SOCS6: variants seen among roughly 807,000 people sequenced by gnomAD.
The protein encoded by SOCS6 is suppressor of cytokine signaling 6, also known as STAT induced STAT inhibitor-4.
SOCS6 carries 5 observed loss-of-function variants against 27.7 expected under a neutral mutation model. That is an observed-to-expected ratio of 0.18 (90% CI 0.09 to 0.38). SOCS6 has a LOEUF of 0.38. Among genes scored for constraint, SOCS6 ranks in the 10% least tolerant of loss-of-function variants. The pLI, the probability that SOCS6 is intolerant of heterozygous loss-of-function variation, is 1.00. For synonymous variants in SOCS6, 271 were observed against 260.0 expected, an observed-to-expected ratio of 1.04 and a Z score of -0.41; for missense variants, 595 against 688.1, an observed-to-expected ratio of 0.86 and a Z score of 1.51.
At chr18:70,297,328 T>G (rs1286009872) in intron 1 of SOCS6, among the ~76,000 whole-genome samples, 1 of 149,080 alleles carries the variant, frequency 6.7e-6, no homozygotes, top group Admixed American at 6.9e-5. Context: ...GATAAAGAAG[T>G]GTATGTTTAA....
chr18:70,315,983 G>A (rs144413999), intron 1 of SOCS6, among the ~76,000 whole-genome samples: 1 of 151,892 alleles, frequency 6.6e-6, no homozygotes, highest in Non-Finnish European at 1.5e-5. Context: ...CGATTCTCTT[G>A]CCTCAGCCTC....
intron 1 of SOCS6, among the ~76,000 whole-genome samples, chr18:70,316,739 C>G (rs1044520920): frequency 1.3e-5 from 2 of 151,920 alleles, no homozygotes; most frequent in Admixed American, 6.6e-5. Flanking sequence ...TTGAATTTTT[C>G]AGTTAATTGA....
chr18:70,303,078 A>T (rs1275091336), intron 1 of SOCS6, among the ~76,000 whole-genome samples: 1 of 152,188 alleles, frequency 6.6e-6, no homozygotes, highest in Admixed American at 6.5e-5. Flanking sequence ...TTTTGAAAAT[A>T]ATGTTTACAA....
Position 70,328,902 on chromosome 18 carries a change from T to A in SOCS6, c.*2626T>A, listed in dbSNP as rs548145873. On this transcript the variant is annotated 3_prime_UTR_variant, in exon 2 of 2. Transcript: ENST00000397942. ...ACACAATTTGGTTAAATTTTAGGATTCTATTGGCAGTTAACATAGATGACA... is the reference window on the plus strand; with the variant it reads ...ACACAATTTGGTTAAATTTTAGGATACTATTGGCAGTTAACATAGATGACA... The A allele has an allele frequency of 6.0e-6, 1 of 167,170 alleles. No individual in the cohort carries two copies. The highest frequency in any genetic ancestry group is 1.9e-4 in the East Asian group (1 of 5,178). 10.4% of individuals were successfully genotyped at this position (167,170 alleles called of 1,614,324 possible).
In SOCS6 at chr18:70,326,208, A is replaced by G. The variant is rs748067601; in HGVS notation, c.1540A>G (p.Ile514Val). 2.5e-6 allele frequency: 4 copies of G among 1,614,004 alleles called. No individual in the cohort carries two copies. The highest frequency in any genetic ancestry group is 3.4e-6 in the Non-Finnish European group (4 of 1,179,954). The change falls in exon 2 of 2, where the codon ATA (isoleucine) becomes GTA (valine). Residue 514 changes from isoleucine to valine, a missense_variant. Ile to Val is a conservative substitution (Grantham distance 29). Around this residue, in one of 2 missense-constraint regions of SOCS6, gnomAD observed 128 missense variants for 207.0 expected, o/e 0.62. Transcript: ENST00000397942. ...TTTTGTTATACGTCAGTATACCAGAATAGACTTAATTCAGAAACTGCCTTT... is the reference window on the plus strand; with the variant it reads ...TTTTGTTATACGTCAGTATACCAGAGTAGACTTAATTCAGAAACTGCCTTT... Reference protein sequence around the residue: ...CRFVIRQYTRIDLIQKLPLPN... With the variant: ...CRFVIRQYTRVDLIQKLPLPN...
At chr18:70,303,555 A>G (rs1356354708) in intron 1 of SOCS6, among the ~76,000 whole-genome samples, 1 of 152,182 alleles carries the variant, frequency 6.6e-6, no homozygotes, top group Non-Finnish European at 1.5e-5. Context: ...GCACTTTGGG[A>G]GGCTGAGTCA....
At chr18:70,301,327 T>G (rs2062347255) in intron 1 of SOCS6, among the ~76,000 whole-genome samples, 1 of 152,166 alleles carries the variant, frequency 6.6e-6, no homozygotes. Flanking sequence ...CTTGGACTAG[T>G]ATAGTGGCAA....
chr18:70,328,860 C>T lies in SOCS6; in HGVS notation c.*2584C>T, dbSNP rs1460660760. 1.2e-5 allele frequency: 2 copies of T among 166,948 alleles called. No homozygotes were observed. The highest frequency in any genetic ancestry group is 4.8e-5 in the African/African-American group (2 of 41,418). The allele number at this position is 166,948 out of a possible 1,614,324, so 10.3% of individuals were successfully genotyped here. On this transcript the variant is annotated 3_prime_UTR_variant, in exon 2 of 2. Coordinates refer to ENST00000397942, the MANE Select transcript of SOCS6 (RefSeq NM_004232.4). ...GGGAAAAGAGAGAGAGAAAACTCAT[C>T]ATTTAGTTTGGTCTAGACACAATTT...
chr18:70,293,525 A>G (rs1329790706), intron 1 of SOCS6, among the ~76,000 whole-genome samples: 1 of 152,180 alleles, frequency 6.6e-6, no homozygotes, highest in African/African-American at 2.4e-5. Context: ...AGCTTAGTGA[A>G]GTGAAACCTC....
rs117885317 is a variant in SOCS6, at chr18:70,306,656, C to T, written c.-127+17566C>T. Among the ~76,000 whole-genome samples the T allele has an allele frequency of 5.5e-3, 843 of 151,998 alleles. 9 individuals carry two copies. Among genetic ancestry groups the T allele is most frequent in the South Asian group, 0.016 (76 of 4,800 alleles). ...GTGAGCGCAAATGTCCTTGTCTTGCCCCCAGTCTTAGTGGCAAAGCATTCA... is the reference window on the plus strand; with the variant it reads ...GTGAGCGCAAATGTCCTTGTCTTGCTCCCAGTCTTAGTGGCAAAGCATTCA... On this transcript the variant is annotated intron_variant, in intron 1 of 1. Coordinates refer to ENST00000397942, the MANE Select transcript of SOCS6 (RefSeq NM_004232.4).
intron 1 of SOCS6, among the ~76,000 whole-genome samples, chr18:70,309,510 C>T (rs760008735): frequency 3.3e-5 from 5 of 152,026 alleles, no homozygotes; most frequent in East Asian, 1.9e-4. Context: ...CCTCTCTTGA[C>T]GTTTTATTTT....
rs1360576548 is a variant in SOCS6, at chr18:70,329,650, A to G, written c.*3374A>G. The G allele has an allele frequency of 1.8e-5, 3 of 167,116 alleles. No individual in the cohort carries two copies. The highest frequency in any genetic ancestry group is 6.5e-5 in the Admixed American group (1 of 15,284). 10.4% of individuals were successfully genotyped at this position (167,116 alleles called of 1,614,324 possible). ...TGAAATCACACTACCAGCAATAGACAGTTTTCTTGAAAACTCTAATAAGGA... is the reference window on the plus strand; with the variant it reads ...TGAAATCACACTACCAGCAATAGACGGTTTTCTTGAAAACTCTAATAAGGA... On this transcript the variant is annotated 3_prime_UTR_variant, in exon 2 of 2. Transcript: ENST00000397942.
At chr18:70,320,567 A>T (rs1377822264) in intron 1 of SOCS6, among the ~76,000 whole-genome samples, 1 of 151,810 alleles carries the variant, frequency 6.6e-6, no homozygotes, top group Non-Finnish European at 1.5e-5. Context: ...ATATTTTGCG[A>T]GAGAGAGAGT....
At chr18:70,291,433 A>G (rs528344741) in intron 1 of SOCS6, among the ~76,000 whole-genome samples, 1 of 152,242 alleles carries the variant, frequency 6.6e-6, no homozygotes, top group African/African-American at 2.4e-5. Context: ...TTGTGTAACT[A>G]CACTCCTTAG....
chr18:70,326,366 T>C lies in SOCS6; in HGVS notation c.*90T>C, dbSNP rs1398857161. ...AACTTTCATTGCCATCAAAATCTTTTGCTGCCATAACTATTTCAGTTTTAT... is the reference window on the plus strand; with the variant it reads ...AACTTTCATTGCCATCAAAATCTTTCGCTGCCATAACTATTTCAGTTTTAT... On this transcript the variant is annotated 3_prime_UTR_variant, in exon 2 of 2. Transcript: ENST00000397942. 2.6e-6 allele frequency: 3 copies of C among 1,139,676 alleles called. No individual in the cohort carries two copies. Among genetic ancestry groups the C allele is most frequent in the East Asian group, 2.4e-5 (1 of 41,534 alleles). 70.6% of individuals were successfully genotyped at this position (1,139,676 alleles called of 1,614,324 possible).
In SOCS6 at chr18:70,320,356, T is replaced by G. The variant is rs561367098; in HGVS notation, c.-126-4187T>G. 3.3e-5 allele frequency among the ~76,000 whole-genome samples: 5 copies of G among 152,320 alleles called. No homozygotes were observed. The South Asian group carries it at 1.0e-3, about 32-fold the overall frequency. ...AGGGCAATTTATCATTAAGAAACTA[T>G]TATTCATTGAGTTTTGATATAGTAT... On this transcript the variant is annotated intron_variant, in intron 1 of 1. Coordinates refer to ENST00000397942, the MANE Select transcript of SOCS6 (RefSeq NM_004232.4).
At chr18:70,307,768 C>T (rs1216799305) in intron 1 of SOCS6, among the ~76,000 whole-genome samples, 10 of 152,022 alleles carry the variant, frequency 6.6e-5, no homozygotes, top group Admixed American at 6.6e-4. Context: ...AAAGCTTTGT[C>T]TGTTTTTTAT....
intron 1 of SOCS6, among the ~76,000 whole-genome samples, chr18:70,314,612 C>T (rs547995927): frequency 6.6e-6 from 1 of 152,270 alleles, no homozygotes; most frequent in Non-Finnish European, 1.5e-5. Context: ...TAAATCCACT[C>T]TATGTTTGCT....
chr18:70,308,858 T>C (rs1490628570), intron 1 of SOCS6, among the ~76,000 whole-genome samples: 2 of 152,236 alleles, frequency 1.3e-5, no homozygotes, highest in South Asian at 2.1e-4. Flanking sequence ...TTGTCTGATA[T>C]TAATATTGCT....
Sources: allele counts gnomAD v4.1 joint callset (sites outside exome capture counted in the v4.1 genomes callset), GRCh38; gene constraint gnomAD v4.1.1; regional missense constraint gnomAD v4.1.1; transcripts MANE v1.5; gene names NCBI Gene and HGNC (gene_info 2026-07-23, HGNC 2026-07-21).